Variants in PHF8 observed in about 807,000 individuals in gnomAD.
PHF8 encodes PHD finger protein 8, also known as histone lysine demethylase PHF8.
A neutral mutation model predicts 74.4 loss-of-function variants in PHF8; 9 were observed. The ratio of observed to expected loss-of-function variants is 0.12; its 90% CI spans 0.07 to 0.21. PHF8 has a LOEUF of 0.21. PHF8 is among the 10% of genes least tolerant of loss of function. The pLI, the probability that PHF8 is intolerant of heterozygous loss-of-function variation, is 1.00. For missense variants in PHF8, 478 were observed against 816.6 expected (o/e 0.59, Z 5.05); for synonymous variants, 311 against 316.6 (o/e 0.98, Z 0.19).
intron 21 of PHF8, 101 bp downstream of exon 21, chrX:53,940,079 C>T: frequency 4.6e-6 from 3 of 658,775 alleles, no homozygotes; most frequent in Non-Finnish European, 7.2e-6. Context: ...TTAGGTTGGC[C>T]TTCAGTGTCC....
At chrX:53,995,603 G>C (rs1557102578) in intron 12 of PHF8, 90 bp downstream of exon 12, 2 of 562,069 alleles carry the variant, frequency 3.6e-6, no homozygotes, top group Non-Finnish European at 6.3e-6. Flanking sequence ...CCTTCCCCTG[G>C]GCTCTCATGC....
At chrX:53,988,625 T>C (rs2065604666) in intron 14 of PHF8, among the ~76,000 whole-genome samples, 1 of 107,813 alleles carries the variant, frequency 9.3e-6, no homozygotes, top group Admixed American at 1.0e-4. Context: ...AAAAAATTTT[T>C]TTTTTTTTTT....
At chrX:54,005,622 T>TAAAAAAAAAAA (rs782521734) in intron 8 of PHF8, among the ~76,000 whole-genome samples, 1 of 67,387 alleles carries the variant, frequency 1.5e-5, no homozygotes, top group Non-Finnish European at 2.9e-5. Context: ...GCAGAAAACT[T>TAAAAAAAAAAA]AAAAAAAAAA....
intron 3 of PHF8, 49 bp from the exon 4 acceptor site, chrX:54,022,416 A>G (rs2066194479): frequency 1.2e-6 from 1 of 833,128 alleles, no homozygotes; most frequent in East Asian, 3.1e-5. Flanking sequence ...GTCATGAGCT[A>G]TGATACCAAG....
intron 7 of PHF8, 82 bp from the exon 8 acceptor site, chrX:54,011,366 C>T (rs2065979000): frequency 1.3e-6 from 1 of 762,934 alleles, no homozygotes; most frequent in East Asian, 3.2e-5. Context: ...AGGGGTATTT[C>T]TCCCATGCTC....
At chrX:53,953,602 T>C (rs1342643974) in intron 19 of PHF8, among the ~76,000 whole-genome samples, 4 of 103,647 alleles carry the variant, frequency 3.9e-5, no homozygotes, top group Non-Finnish European at 5.9e-5. Flanking sequence ...CAAGATCGCG[T>C]TGCTGCATTT....
chrX:54,029,735 G>A (rs1442258186), intron 2 of PHF8, among the ~76,000 whole-genome samples: 1 of 111,909 alleles, frequency 8.9e-6, no homozygotes, highest in Non-Finnish European at 1.9e-5. Context: ...CAGGCAGCTA[G>A]CCAAGAACCT....
intron 4 of PHF8, 24 bp from the exon 5 acceptor site, chrX:54,017,845 T>C (rs900769498): frequency 8.3e-7 from 1 of 1,205,808 alleles, no homozygotes; most frequent in Non-Finnish European, 1.1e-6. Flanking sequence ...GAGAGAAAGC[T>C]TGAGCCTGAG....
At chrX:53,988,061 A>C in intron 14 of PHF8, 117 bp from the exon 15 acceptor site, 2 of 587,531 alleles carry the variant, frequency 3.4e-6, no homozygotes, top group Non-Finnish European at 5.6e-6. Context: ...AAATCCAGCC[A>C]GCTTTTTAAA....
chrX:54,020,575 A>T (rs923132601), intron 4 of PHF8, among the ~76,000 whole-genome samples: 2 of 112,274 alleles, frequency 1.8e-5, no homozygotes, highest in Admixed American at 9.5e-5. Flanking sequence ...AAAAGGAATT[A>T]AAAAAATCTA....
chrX:53,954,598 G>T (rs1212844854), intron 19 of PHF8, among the ~76,000 whole-genome samples: 1 of 93,345 alleles, frequency 1.1e-5, no homozygotes, highest in Non-Finnish European at 2.1e-5. Context: ...TTGAAAAAAA[G>T]AATAAAGCAA....
intron 2 of PHF8, among the ~76,000 whole-genome samples, chrX:54,028,681 C>G (rs782323974): frequency 2.7e-5 from 3 of 111,871 alleles, no homozygotes; most frequent in Non-Finnish European, 5.6e-5. Flanking sequence ...TTCTGTCTGT[C>G]ACCTAAACAT....
At chrX:53,950,315 A>G (rs1358411790) in intron 19 of PHF8, among the ~76,000 whole-genome samples, 1 of 112,218 alleles carries the variant, frequency 8.9e-6, no homozygotes, top group East Asian at 2.8e-4. Flanking sequence ...GCATGTGCTT[A>G]ATGTCATAGC....
chrX:54,044,455 T>C lies in PHF8; in HGVS notation c.-786A>G, dbSNP rs374446199. 14 of 747,932 alleles carry C rather than the reference T, an allele frequency of 1.9e-5. No individual in the cohort carries two copies. In the East Asian group the frequency reaches 6.1e-4, roughly 33 times the overall value. The allele number at this position is 747,932 out of a possible 1,213,427, so 61.6% of individuals were successfully genotyped here. On this transcript the variant is annotated 5_prime_UTR_variant, in exon 1 of 22. Transcript: ENST00000338154. ...GACAACCAAGGCGACCGCCATCTTA[T>C]GAGGGCTGGACTCGCGAGGTGAGCG...
chrX:54,015,246 G>GT (rs2066043864), intron 6 of PHF8, among the ~76,000 whole-genome samples: 1 of 111,029 alleles, frequency 9.0e-6, no homozygotes, highest in Non-Finnish European at 1.9e-5. Flanking sequence ...AACAAATACA[G>GT]TTTTTAAACA....
chrX:54,043,663 C>A lies in PHF8; in HGVS notation c.-93+99G>T, dbSNP rs1334679024. Reference sequence around the variant, plus strand: ...TGGCAGCGTTTCCTTGCAGCCCCCCCTCAAACTGATGAGAGCTCCCTAGTC... The same window carrying A: ...TGGCAGCGTTTCCTTGCAGCCCCCCATCAAACTGATGAGAGCTCCCTAGTC... On this transcript the variant is annotated intron_variant, in intron 1 of 21. Coordinates refer to ENST00000338154, the MANE Select transcript of PHF8 (RefSeq NM_015107.3). 4 of 199,438 alleles carry A rather than the reference C, an allele frequency of 2.0e-5. No homozygotes were observed. In the Admixed American group the frequency reaches 2.8e-4, roughly 14 times the overall value. The allele number at this position is 199,438 out of a possible 1,213,427, so 16.4% of individuals were successfully genotyped here.
intron 10 of PHF8, among the ~76,000 whole-genome samples, chrX:54,000,425 T>C (rs1347283212): frequency 2.7e-5 from 3 of 112,391 alleles, no homozygotes; most frequent in African/African-American, 9.7e-5. Context: ...TTAGCTGTGT[T>C]CTGCCTTATG....
chrX:54,044,003 A>T lies in PHF8; in HGVS notation c.-334T>A. 1.5e-5 allele frequency: 11 copies of T among 753,999 alleles called. No individual in the cohort carries two copies. The highest frequency in any genetic ancestry group is 1.7e-5 in the Non-Finnish European group (11 of 639,168). The allele number at this position is 753,999 out of a possible 1,213,427, so 62.1% of individuals were successfully genotyped here. ...ACGGCGACGCGCGTCGAATTCTGGG[A>T]TAGTCCCCGTACCGCCGGGAACCTC... On this transcript the variant is annotated 5_prime_UTR_variant, in exon 1 of 22. Coordinates refer to ENST00000338154, the MANE Select transcript of PHF8 (RefSeq NM_015107.3).
intron 2 of PHF8, among the ~76,000 whole-genome samples, chrX:54,038,748 T>C (rs1436192327): frequency 8.9e-6 from 1 of 111,959 alleles, no homozygotes; most frequent in African/African-American, 3.2e-5. Flanking sequence ...AGCTGCAAAA[T>C]GGAATAGTTG....
Sources: gnomAD v4.1 joint callset for allele counts (sites outside exome capture counted in the v4.1 genomes callset) on GRCh38, gnomAD v4.1.1 for gene constraint, MANE v1.5 for transcripts, NCBI Gene and HGNC (gene_info 2026-07-23, HGNC 2026-07-21) for gene names.